Variants in HIVEP1 observed in about 807,000 individuals in gnomAD.
HIVEP1 encodes zinc finger protein 40.
HIVEP1 carries 36 observed loss-of-function variants against 180.0 expected under a neutral mutation model. That is an observed-to-expected ratio of 0.20 (90% CI 0.15 to 0.26). The LOEUF is 0.26. Ranked by LOEUF, HIVEP1 falls within the 10% of genes least tolerant of loss-of-function variation. The pLI, the probability that HIVEP1 is intolerant of heterozygous loss-of-function variation, is 1.00. For synonymous variants in HIVEP1, 1,239 were observed against 1,239.0 expected, an observed-to-expected ratio of 1.00 and a Z score of 0.00; for missense variants, 3,143 against 3,268.7, an observed-to-expected ratio of 0.96 and a Z score of 0.94.
chr6:12,164,498 C>T lies in HIVEP1; in HGVS notation c.*37C>T, dbSNP rs1482452655. On this transcript the variant is annotated 3_prime_UTR_variant, in exon 9 of 9. Transcript: ENST00000379388. ...TTTTATTTGCTTTTTTTTTATATAA[C>T]ACTTAAAGGTTTCTTTGAAAACCCT... 2.0e-6 allele frequency: 3 copies of T among 1,468,114 alleles called. No homozygotes were observed. The highest frequency in any genetic ancestry group is 2.8e-6 in the Non-Finnish European group (3 of 1,087,942). The allele number at this position is 1,468,114 out of a possible 1,614,324, so 90.9% of individuals were successfully genotyped here.
chr6:12,177,929 T>C, the HIVEP1 span, among the ~76,000 whole-genome samples: 25 of 152,356 alleles, frequency 1.6e-4, 1 homozygote, highest in African/African-American at 5.8e-4. Context: ...TGAAAGTGTT[T>C]GCGTTGGGTT....
intron 2 of HIVEP1, among the ~76,000 whole-genome samples, chr6:12,033,968 G>A (rs930229555): frequency 6.6e-6 from 1 of 152,172 alleles, no homozygotes; most frequent in Non-Finnish European, 1.5e-5. Flanking sequence ...GTGAAATCAG[G>A]AAGTCTCTGG....
At chr6:12,177,091 C>G in the HIVEP1 span, among the ~76,000 whole-genome samples, 1 of 152,150 alleles carries the variant, frequency 6.6e-6, no homozygotes, top group African/African-American at 2.4e-5. Flanking sequence ...CATGCTCTCT[C>G]TTATAAGTGG....
chr6:12,201,639 C>T, the HIVEP1 span, among the ~76,000 whole-genome samples: 1 of 152,232 alleles, frequency 6.6e-6, no homozygotes, highest in Admixed American at 6.5e-5. Flanking sequence ...ATAGGCTTCT[C>T]TGATAACCTA....
chr6:12,184,014 TAGATAGATAGAC>T, the HIVEP1 span, among the ~76,000 whole-genome samples: 210 of 139,734 alleles, frequency 1.5e-3, no homozygotes, highest in African/African-American at 5.3e-3. Context: ...GATAGATAGA[TAGATAGATAGAC>T]AGACAGACAG....
At chr6:12,096,133 T>G (rs1773770372) in intron 3 of HIVEP1, among the ~76,000 whole-genome samples, 1 of 152,074 alleles carries the variant, frequency 6.6e-6, no homozygotes, top group Non-Finnish European at 1.5e-5. Context: ...AGTAGTGGTA[T>G]CACTCTTACA....
At chr6:12,132,676 C>T (rs1297037214) in intron 6 of HIVEP1, among the ~76,000 whole-genome samples, 1 of 152,146 alleles carries the variant, frequency 6.6e-6, no homozygotes, top group African/African-American at 2.4e-5. Context: ...TCATGTCTTA[C>T]ACATCTCTAA....
At chr6:12,046,744 A>T (rs933269463) in intron 2 of HIVEP1, among the ~76,000 whole-genome samples, 3 of 151,708 alleles carry the variant, frequency 2.0e-5, no homozygotes, top group Non-Finnish European at 4.4e-5. Flanking sequence ...GTGCCACTGC[A>T]CTTCAGCCTG....
At chr6:12,168,280 A>T (rs1264941149), downstream of HIVEP1, among the ~76,000 whole-genome samples, 1 of 120,210 alleles carries the variant, frequency 8.3e-6, no homozygotes, top group Non-Finnish European at 1.6e-5. Flanking sequence ...ATATATACAT[A>T]TATTATATAC....
intron 7 of HIVEP1, among the ~76,000 whole-genome samples, chr6:12,151,059 G>T (rs1190470453): frequency 6.6e-6 from 1 of 152,112 alleles, no homozygotes; most frequent in African/African-American, 2.4e-5. Context: ...GCAGGTTGCG[G>T]TTCACCTGAC....
chr6:12,135,136 A>T (rs1457520709), intron 6 of HIVEP1, among the ~76,000 whole-genome samples: 1 of 152,228 alleles, frequency 6.6e-6, no homozygotes, highest in Non-Finnish European at 1.5e-5. Context: ...AAATAAGCCT[A>T]GTCCTCCTGT....
Position 12,143,954 on chromosome 6 carries a change from A to G in HIVEP1, c.6487+8062A>G, listed in dbSNP as rs566235312. 3.9e-5 allele frequency among the ~76,000 whole-genome samples: 6 copies of G among 152,354 alleles called. No homozygotes were observed. In the East Asian group the frequency reaches 5.8e-4, roughly 15 times the overall value. On this transcript the variant is annotated intron_variant, in intron 7 of 8. Coordinates refer to ENST00000379388, the MANE Select transcript of HIVEP1 (RefSeq NM_002114.4). ...AAGAATCAACAACGTGAAAATGGCC[A>G]TACTGCCCAAGGTAATTTATAGACC...
Position 12,120,063 on chromosome 6 carries a change from G to A in HIVEP1, c.268G>A (p.Ala90Thr), listed in dbSNP as rs918324940. ...GTCATCTTTCGCCGTTCTTCATAGT[G>A]CTTCGGAGTCTCACAAGAAACAGAA... is the stretch of plus-strand genomic sequence containing the variant. ...EESSFAVLHS[A>T]SESHKKQNYI... is the part of the protein sequence containing the mutation. The change falls in exon 4 of 9, where the codon GCT becomes ACT. Residue 90 changes from alanine to threonine, a missense_variant. Transcript: ENST00000379388. 2 of 1,613,018 alleles carry A rather than the reference G, an allele frequency of 1.2e-6. No homozygotes were observed. The highest frequency in any genetic ancestry group is 2.7e-5 in the African/African-American group (2 of 74,734).
chr6:12,136,208 A>G (rs1758694395), intron 7 of HIVEP1, among the ~76,000 whole-genome samples: 1 of 152,078 alleles, frequency 6.6e-6, no homozygotes, highest in South Asian at 2.1e-4. Context: ...AATCCTTTGT[A>G]ATCTGCTGAT....
intron 2 of HIVEP1, among the ~76,000 whole-genome samples, chr6:12,078,616 A>T (rs1772537048): frequency 7.0e-6 from 1 of 141,940 alleles, no homozygotes; most frequent in African/African-American, 2.7e-5. Flanking sequence ...AAAAAAAAAA[A>T]AAATACATAC....
chr6:12,075,906 CT>C (rs1428176490), intron 2 of HIVEP1, among the ~76,000 whole-genome samples: 1 of 152,126 alleles, frequency 6.6e-6, no homozygotes, highest in Non-Finnish European at 1.5e-5. Context: ...GTCAAATATC[CT>C]GTCAGTATTT....
the HIVEP1 span, among the ~76,000 whole-genome samples, chr6:12,173,528 A>G: frequency 2.0e-5 from 3 of 152,214 alleles, no homozygotes; most frequent in Non-Finnish European, 4.4e-5. Context: ...AGATGATCCC[A>G]TATTGCAGTA....
chr6:12,125,317 C>T lies in HIVEP1; in HGVS notation c.5522C>T (p.Thr1841Ile), dbSNP rs753402236. The change falls in exon 4 of 9, where the codon ACA becomes ATA. Residue 1841 changes from threonine to isoleucine, a missense_variant. Thr to Ile is a moderately conservative substitution (Grantham distance 89). Coordinates refer to ENST00000379388, the MANE Select transcript of HIVEP1 (RefSeq NM_002114.4). ...TNVLPADNSSTGCSKFVVIEP... is the reference protein window; with the variant it reads ...TNVLPADNSSIGCSKFVVIEP... The stretch of plus-strand genomic sequence containing the variant: ...GTTTTACCAGCTGATAATTCATCAA[C>T]AGGATGCTCTAAATTTGTCGTTATA... 3.7e-6 allele frequency: 6 copies of T among 1,613,852 alleles called. No homozygotes were observed. In the South Asian group the frequency reaches 4.4e-5, roughly 12 times the overall value.
intron 2 of HIVEP1, among the ~76,000 whole-genome samples, chr6:12,020,977 A>G (rs9470750): frequency 0.16 from 22,588 of 139,310 alleles, 1,790 homozygotes; most frequent in Admixed American, 0.22. Flanking sequence ...TGCAAGCTCC[A>G]CCTCCCAGGT....
Sources: gnomAD v4.1 joint callset for allele counts (sites outside exome capture counted in the v4.1 genomes callset) on GRCh38, gnomAD v4.1.1 for gene constraint, MANE v1.5 for transcripts, NCBI Gene and HGNC (gene_info 2026-07-23, HGNC 2026-07-21) for gene names.